The following EXOC3L2 variants were observed in gnomAD, a reference collection of about 807,000 sequenced individuals.
EXOC3L2 encodes the protein exocyst complex component 3-like protein 2.
Under a neutral mutation model 44.4 loss-of-function variants are expected in EXOC3L2, and 17 were observed. That is an observed-to-expected ratio of 0.38 (90% confidence interval 0.26 to 0.57). The LOEUF (loss-of-function observed/expected upper bound fraction) is 0.57. Ranked by LOEUF, EXOC3L2 falls within the 20% of genes least tolerant of loss-of-function variation. The pLI is 0.65. For synonymous variants in EXOC3L2, 256 were observed against 253.7 expected (o/e 1.01, Z -0.09); for missense variants, 541 against 588.4 (o/e 0.92, Z 0.83).
At chr19:45,219,442 T>A in intron 8 of EXOC3L2, among the ~76,000 whole-genome samples, 1 of 148,086 alleles carries the variant, frequency 6.8e-6, no homozygotes, top group East Asian at 2.0e-4. Flanking sequence ...TTAAGACATA[T>A]TTTTAAAATT....
chr19:45,234,462 C>A lies in EXOC3L2; in HGVS notation c.888G>T (p.Ala296=). 3.9e-6 allele frequency: 1 copy of A among 256,290 alleles called. No individual in the cohort carries two copies. The highest frequency in any genetic ancestry group is 5.5e-5 in the Admixed American group (1 of 18,080). 15.9% of individuals were successfully genotyped at this position (256,290 alleles called of 1,614,324 possible). A position where few individuals can be genotyped will look rare whatever the true frequency, so the allele number is the denominator to read the frequency against. The change falls in exon 3 of 12, where the codon GCG becomes GCT. Residue 296 remains alanine, a synonymous_variant. Transcript: ENST00000413988. This position sits in a 1 kb window ranked among gnomAD's most constrained non-coding sequence, Gnocchi z 5.0. Reference sequence around the variant, plus strand: ...CCGCTGCCTCTAGGCGCTCCCGGGCCGCGCGCGCCACGGCTTCGGCCCAGC... The same window carrying A: ...CCGCTGCCTCTAGGCGCTCCCGGGCAGCGCGCGCCACGGCTTCGGCCCAGC... ...RARWAEAVAR[A]ARERLEAAAP...
At chr19:45,217,718 G>A in intron 9 of EXOC3L2, 35 bp from the exon 10 acceptor site, 2 of 1,388,648 alleles carry the variant, frequency 1.4e-6, no homozygotes, top group Non-Finnish European at 1.9e-6. Context: ...AGGGGTGTGA[G>A]CCATGCCCCA....
chr19:45,218,353 T>TTGGC, intron 8 of EXOC3L2, 34 bp from the exon 9 acceptor site: 2 of 1,495,188 alleles, frequency 1.3e-6, no homozygotes, highest in Non-Finnish European at 1.8e-6. Context: ...CACGCTCTCC[T>TTGGC]CCCTCCCACC....
Position 45,213,296 on chromosome 19 carries a change from C to A in EXOC3L2, c.2182G>T (p.Glu728Ter), listed in dbSNP as rs1969798405. The A allele has an allele frequency of 6.2e-7, 1 of 1,613,876 alleles. No homozygotes were observed. The highest frequency in any genetic ancestry group is 8.5e-7 in the Non-Finnish European group (1 of 1,179,892). ...RGLRNTAARQ[E>*]ILAVARDLEL... ...AGGTCCCGGGCCACGGCCAGGATCT[C>A]CTGGCGGGCGGCTGTGTTGCGCAGG... The change falls in exon 12 of 12, where the codon GAG (glutamate) becomes TAG (stop). Residue 728 changes from glutamate (E) to a stop codon, truncating the protein, a stop_gained. Transcript: ENST00000413988. LOFTEE classifies it high-confidence loss of function.
chr19:45,235,695 C>A (rs777993947), intron 2 of EXOC3L2, among the ~76,000 whole-genome samples: 14 of 152,192 alleles, frequency 9.2e-5, no homozygotes, highest in Non-Finnish European at 2.1e-4. Context: ...GGCAGAGAAA[C>A]TATTTCCTGG....
chr19:45,229,658 C>G, intron 4 of EXOC3L2, among the ~76,000 whole-genome samples: 1 of 149,484 alleles, frequency 6.7e-6, no homozygotes. Flanking sequence ...CCAGCCTGAA[C>G]AACATGTAGA....
chr19:45,227,403 G>C (rs994966992), intron 7 of EXOC3L2, among the ~76,000 whole-genome samples: 24 of 152,202 alleles, frequency 1.6e-4, no homozygotes, highest in Non-Finnish European at 2.6e-4. Context: ...TTACAGGCAT[G>C]AGCCACTGTG....
intron 8 of EXOC3L2, among the ~76,000 whole-genome samples, chr19:45,221,384 G>A (rs1218109998): frequency 3.3e-5 from 5 of 151,554 alleles, no homozygotes; most frequent in South Asian, 4.2e-4. Flanking sequence ...ACGGAATCTC[G>A]CTCTGTCGCC....
chr19:45,215,619 G>C (rs1183435659), intron 11 of EXOC3L2, among the ~76,000 whole-genome samples: 1 of 152,186 alleles, frequency 6.6e-6, no homozygotes, highest in Non-Finnish European at 1.5e-5. Context: ...CCTATGACGA[G>C]AATACTACTA....
chr19:45,228,305 C>T (rs370230077), intron 4 of EXOC3L2, 39 bp from the exon 5 acceptor site: 73 of 1,586,388 alleles, frequency 4.6e-5, no homozygotes, highest in Admixed American at 3.6e-4. Flanking sequence ...GAGTTGGGGG[C>T]GGCCTGGAGG....
chr19:45,236,149 G>A (rs1367242566), intron 2 of EXOC3L2, among the ~76,000 whole-genome samples: 3 of 151,940 alleles, frequency 2.0e-5, no homozygotes, highest in African/African-American at 7.3e-5. Context: ...GGGAATGTAG[G>A]TGAAAGCTGA....
Position 45,222,074 on chromosome 19 carries a change from G to GCACACGGCGCACACACA in EXOC3L2, c.1719+2687_1719+2703dup, listed in dbSNP as rs1555756207. Reference sequence around the variant, plus strand: ...TGCTCACATACACATGCACACTCATGCACACGGCGCACACACACACACAAA... The same window carrying GCACACGGCGCACACACA: ...TGCTCACATACACATGCACACTCATGCACACGGCGCACACACACACACGGCGCACACACACACACAAA... On this transcript the variant is annotated intron_variant, in intron 8 of 11. Transcript: ENST00000413988. Among the ~76,000 whole-genome samples, 6 of 151,940 alleles carry GCACACGGCGCACACACA rather than the reference G, an allele frequency of 3.9e-5. No individual in the cohort carries two copies. The South Asian group carries it at 1.0e-3, about 26-fold the overall frequency.
At chr19:45,223,297 G>A (rs1024286951) in intron 8 of EXOC3L2, among the ~76,000 whole-genome samples, 6 of 152,044 alleles carry the variant, frequency 3.9e-5, no homozygotes, top group African/African-American at 1.2e-4. Flanking sequence ...AAGTGCTTTG[G>A]AGAAAAATAG....
Position 45,234,585 on chromosome 19 carries a change from G to C in EXOC3L2, c.765C>G (p.Ala255=). ...TLAGPGPGAC[A]GAGAVAQLGQ... is the part of the protein sequence containing the mutation. ...CCAGCTGCGCCACCGCGCCAGCCCC[G>C]GCGCACGCTCCCGGCCCGGGGCCCG... is the stretch of plus-strand genomic sequence containing the variant. Residue 255 remains alanine, a synonymous_variant, in exon 3 of 12, where the codon GCC becomes GCG. Coordinates refer to ENST00000413988, the MANE Select transcript of EXOC3L2 (RefSeq NM_001382422.1). The surrounding 1 kb of genome is among the most constrained non-coding windows in gnomAD (Gnocchi z 5.0). 3.7e-6 allele frequency: 1 copy of C among 273,388 alleles called. No homozygotes were observed. Among genetic ancestry groups the C allele is most frequent in the East Asian group, 6.0e-5 (1 of 16,580 alleles). 16.9% of individuals were successfully genotyped at this position (273,388 alleles called of 1,614,324 possible). A position where few individuals can be genotyped will look rare whatever the true frequency, so the allele number is the denominator to read the frequency against.
At chr19:45,219,393 C>CAACAAAAAAAAAA (rs1969873197) in intron 8 of EXOC3L2, among the ~76,000 whole-genome samples, 1 of 51,546 alleles carries the variant, frequency 1.9e-5, no homozygotes, top group Non-Finnish European at 3.8e-5. Flanking sequence ...GGCCCCGTCT[C>CAACAAAAAAAAAA]AAAAAAAAAA....
chr19:45,226,815 C>G (rs868229821), intron 7 of EXOC3L2, among the ~76,000 whole-genome samples: 1 of 137,232 alleles, frequency 7.3e-6, no homozygotes, highest in East Asian at 2.2e-4. Flanking sequence ...TGTAGTGGCG[C>G]GATCTCAGCT....
intron 4 of EXOC3L2, among the ~76,000 whole-genome samples, chr19:45,229,993 T>C (rs1296898489): frequency 2.0e-5 from 3 of 150,698 alleles, no homozygotes; most frequent in Admixed American, 1.3e-4. Context: ...TATTATTACA[T>C]ATTATGATAT....
Position 45,224,918 on chromosome 19 carries a change from G to A in EXOC3L2, c.1584-5C>T. The A allele has an allele frequency of 3.3e-6, 5 of 1,522,042 alleles. No individual in the cohort carries two copies. The highest frequency in any genetic ancestry group is 4.4e-6 in the Non-Finnish European group (5 of 1,133,290). The allele number at this position is 1,522,042 out of a possible 1,614,324, so 94.3% of individuals were successfully genotyped here. On this transcript the variant is annotated splice_polypyrimidine_tract_variant and splice_region_variant and intron_variant, in intron 7 of 11. Coordinates refer to ENST00000413988, the MANE Select transcript of EXOC3L2 (RefSeq NM_001382422.1). ...GCCAGGCGCTCGGCCAGAGCTCTGT[G>A]GGGATCAACAGAGCCAAAACTGAGG...
In EXOC3L2 at chr19:45,234,549, C is replaced by A; in HGVS notation, c.801G>T (p.Leu267=). The change falls in exon 3 of 12, where the codon CTG becomes CTT. Residue 267 remains leucine (L), a synonymous_variant. Coordinates refer to ENST00000413988, the MANE Select transcript of EXOC3L2 (RefSeq NM_001382422.1). This position sits in a 1 kb window ranked among gnomAD's most constrained non-coding sequence, Gnocchi z 5.0. The part of the protein sequence containing the change: ...AGAVAQLGQV[L]VQEEAADGRR... ...GCCCGTCGGCCGCCTCCTCCTGTAC[C>A]AGCACCTGGCCCAGCTGCGCCACCG... The A allele has an allele frequency of 3.9e-6, 1 of 254,930 alleles. No individual in the cohort carries two copies. Among genetic ancestry groups the A allele is most frequent in the Non-Finnish European group, 7.5e-6 (1 of 133,504 alleles). The allele number at this position is 254,930 out of a possible 1,614,324, so 15.8% of individuals were successfully genotyped here. A position where few individuals can be genotyped will look rare whatever the true frequency, so the allele number is the denominator to read the frequency against.
Sources: allele counts gnomAD v4.1 joint callset (sites outside exome capture counted in the v4.1 genomes callset), GRCh38; gene constraint gnomAD v4.1.1; non-coding constraint Gnocchi (gnomAD v3.1); transcripts MANE v1.5; gene names NCBI Gene and HGNC (gene_info 2026-07-23, HGNC 2026-07-21).